Variants in TBCD observed in about 807,000 individuals in gnomAD.
The protein encoded by TBCD is tubulin-specific chaperone D.
In TBCD, 105 loss-of-function variants were observed where a neutral mutation model predicts 169.3. The ratio of observed to expected loss-of-function variants is 0.62; its 90% confidence interval spans 0.53 to 0.73. TBCD has a LOEUF of 0.73. Ranked by LOEUF, TBCD falls within the 30% of genes least tolerant of loss-of-function variation. The pLI, the probability that TBCD is intolerant of heterozygous loss-of-function variation, is 0.00. For synonymous variants in TBCD, 700 were observed against 643.9 expected, an observed-to-expected ratio of 1.09 and a Z score of -1.32; for missense variants, 1,444 against 1,600.1, an observed-to-expected ratio of 0.90 and a Z score of 1.66.
intron 7 of TBCD, among the ~76,000 whole-genome samples, chr17:82,784,392 A>G (rs1050650874): frequency 2.6e-5 from 4 of 152,080 alleles, no homozygotes; most frequent in African/African-American, 7.2e-5. Context: ...AGCATCCTCA[A>G]TGCCTAAAGA....
intron 7 of TBCD, among the ~76,000 whole-genome samples, chr17:82,788,115 G>A (rs532177571): frequency 3.3e-4 from 50 of 152,178 alleles, no homozygotes; most frequent in Non-Finnish European, 6.0e-4. Flanking sequence ...GTGCGCGCCT[G>A]TAATCCCAGC....
At chr17:82,850,120 T>C in intron 13 of TBCD, among the ~76,000 whole-genome samples, 1 of 85,660 alleles carries the variant, frequency 1.2e-5, no homozygotes, top group Admixed American at 1.2e-4. Flanking sequence ...GTGCTGCTGT[T>C]GGCTGTGTTG....
At chr17:82,898,169 G>T (rs1825387403) in intron 17 of TBCD, among the ~76,000 whole-genome samples, 1 of 150,010 alleles carries the variant, frequency 6.7e-6, no homozygotes, top group Non-Finnish European at 1.5e-5. Flanking sequence ...GTTTTGGTGG[G>T]AGCACACGGC....
chr17:82,776,680 T>A (rs2048619725), intron 6 of TBCD, among the ~76,000 whole-genome samples: 1 of 152,074 alleles, frequency 6.6e-6, no homozygotes, highest in Admixed American at 6.6e-5. Context: ...GACGCCTGGG[T>A]TTGGTTACAG....
rs779801257 is a variant in TBCD, at chr17:82,831,514, T to A, written c.1318+16580T>A. 2 of 1,613,436 alleles carry A rather than the reference T, an allele frequency of 1.2e-6. No homozygotes were observed. The highest frequency in any genetic ancestry group is 3.3e-5 in the Admixed American group (2 of 59,984). Reference sequence around the variant, plus strand: ...GTAAAATCCGTAAGGAATCGGCAGGTTAGAGGGATATTGCTGGAAAAACCT... The same window carrying A: ...GTAAAATCCGTAAGGAATCGGCAGGATAGAGGGATATTGCTGGAAAAACCT... On this transcript the variant is annotated intron_variant, in intron 13 of 38. Transcript: ENST00000355528. The surrounding 1 kb of genome is among the most constrained non-coding windows in gnomAD (Gnocchi z 4.6).
intron 7 of TBCD, among the ~76,000 whole-genome samples, chr17:82,784,361 T>G (rs1472898346): frequency 6.6e-6 from 1 of 152,118 alleles, no homozygotes; most frequent in East Asian, 1.9e-4. Context: ...CAGGTGCCCC[T>G]CGTTCCGGCC....
At chr17:82,936,059 C>T (rs1396763098) in intron 34 of TBCD, among the ~76,000 whole-genome samples, 1 of 152,254 alleles carries the variant, frequency 6.6e-6, no homozygotes, top group Non-Finnish European at 1.5e-5. Context: ...CTGAGTCTGC[C>T]TGTGCTCCCT....
At position 82,752,317 on chromosome 17, in the gene TBCD, C is replaced by T. The variant is rs1451379724; in HGVS notation, c.124C>T (p.Arg42Cys). ...ESAETRALLG[R>C]LREVHGGGAE... ...CGCGGAGACCCGGGCGCTGCTGGGC[C>T]GCCTGCGGGAGGTGCACGGCGGCGG... The change falls in exon 1 of 39, where the codon CGC (arginine) becomes TGC (cysteine). Residue 42 changes from arginine (R) to cysteine (C), a missense_variant. Transcript: ENST00000355528. The T allele has an allele frequency of 8.1e-6, 12 of 1,482,150 alleles. No individual in the cohort carries two copies. Among genetic ancestry groups the T allele is most frequent in the Non-Finnish European group, 1.1e-5 (12 of 1,125,162 alleles). The allele number at this position is 1,482,150 out of a possible 1,614,324, so 91.8% of individuals were successfully genotyped here.
At position 82,766,264 on chromosome 17, in the gene TBCD, T is replaced by C; in HGVS notation, c.334-3T>C. ...TATAATTCAGCATCTCTTTATTTGA[T>C]AGGTTCGAGGCTATAAAACATTTCT... is the stretch of plus-strand genomic sequence containing the variant. On this transcript the variant is annotated splice_region_variant and splice_polypyrimidine_tract_variant and intron_variant, in intron 3 of 38. Transcript: ENST00000355528. 1 of 1,605,056 alleles carries C rather than the reference T, an allele frequency of 6.2e-7. No individual in the cohort carries two copies.
At chr17:82,850,479 G>A (rs2055684123) in intron 13 of TBCD, among the ~76,000 whole-genome samples, 1 of 147,474 alleles carries the variant, frequency 6.8e-6, no homozygotes, top group African/African-American at 2.6e-5. Flanking sequence ...TGTTGGCTGT[G>A]CTGTTGTTGG....
At chr17:82,911,925 C>T in intron 23 of TBCD, 136 bp downstream of exon 23, 1 of 828,552 alleles carries the variant, frequency 1.2e-6, no homozygotes, top group Non-Finnish European at 2.0e-6. Context: ...GTGGAGGCGG[C>T]ATCTGTGATG....
intron 13 of TBCD, among the ~76,000 whole-genome samples, chr17:82,825,448 G>A (rs2052758878): frequency 2.6e-5 from 4 of 152,162 alleles, no homozygotes; most frequent in Admixed American, 2.6e-4. Flanking sequence ...ACATACTGGT[G>A]TATATAAACA....
rs937552115 is a variant in TBCD, at chr17:82,836,730, CAAAA to C, written c.1318+21800_1318+21803del. Among the ~76,000 whole-genome samples the C allele has an allele frequency of 2.9e-3, 435 of 150,368 alleles. 2 individuals carry two copies. The highest frequency in any genetic ancestry group is 7.2e-3 in the African/African-American group (296 of 40,952). On this transcript the variant is annotated intron_variant, in intron 13 of 38. Transcript: ENST00000355528. ...AAAACAAAACCAAAAAACAAAAAAACAAAAAAACCCACAAAACCCGTGTTGGTTA... is the reference window on the plus strand; with the variant it reads ...AAAACAAAACCAAAAAACAAAAAAACAAACCCACAAAACCCGTGTTGGTTA...
At chr17:82,873,433 G>A (rs1015408717) in intron 14 of TBCD, among the ~76,000 whole-genome samples, 1 of 152,142 alleles carries the variant, frequency 6.6e-6, no homozygotes, top group Non-Finnish European at 1.5e-5. Context: ...TGTTTTGGGG[G>A]AAAGCTGATC....
chr17:82,759,344 G>A (rs2047625383), intron 2 of TBCD, among the ~76,000 whole-genome samples: 1 of 152,056 alleles, frequency 6.6e-6, no homozygotes, highest in South Asian at 2.1e-4. Context: ...AGCTGGGCAT[G>A]GTGAAGCATG....
At chr17:82,830,697 T>C in intron 13 of TBCD, 4 of 1,613,950 alleles carry the variant, frequency 2.5e-6, no homozygotes, top group Non-Finnish European at 2.5e-6. Flanking sequence ...AGCTGGCGGT[T>C]TCCGCCTGGG....
chr17:82,888,415 G>A (rs2058899522), intron 15 of TBCD, among the ~76,000 whole-genome samples: 1 of 152,238 alleles, frequency 6.6e-6, no homozygotes, highest in Non-Finnish European at 1.5e-5. Flanking sequence ...GATACCACTG[G>A]AATGGTACAT....
At chr17:82,921,073 G>C (rs550886537) in intron 24 of TBCD, 5 of 253,138 alleles carry the variant, frequency 2.0e-5, no homozygotes, top group African/African-American at 1.1e-4. Flanking sequence ...GTGTCCCGGG[G>C]CTGTCTCAGC....
intron 21 of TBCD, 105 bp from the exon 22 acceptor site, chr17:82,909,180 C>A: frequency 1.0e-6 from 1 of 952,976 alleles, no homozygotes; most frequent in Non-Finnish European, 1.6e-6. Flanking sequence ...GCTGGCATGG[C>A]ATCTTCTGCC....
Sources: allele counts gnomAD v4.1 joint callset (sites outside exome capture counted in the v4.1 genomes callset), GRCh38; gene constraint gnomAD v4.1.1; non-coding constraint Gnocchi (gnomAD v3.1); transcripts MANE v1.5; gene names NCBI Gene and HGNC (gene_info 2026-07-23, HGNC 2026-07-21).